ZNF217: variants seen among roughly 807,000 people sequenced by gnomAD.
ZNF217 encodes the protein zinc finger protein 217.
ZNF217 carries 12 observed loss-of-function variants against 73.3 expected under a neutral mutation model. The observed-to-expected ratio is 0.16, with a 90% CI of 0.10 to 0.27. ZNF217 has a LOEUF of 0.27. ZNF217 is among the 10% of genes least tolerant of loss of function. ZNF217 has a pLI of 1.00. For missense variants in ZNF217, 1,195 were observed against 1,327.8 expected (o/e 0.90, Z 1.55); for synonymous variants, 588 against 516.4 (o/e 1.14, Z -1.88).
chr20:53,592,510 A>C (rs1600732489), intron 1 of ZNF217, among the ~76,000 whole-genome samples: 18 of 141,994 alleles, frequency 1.3e-4, no homozygotes, highest in East Asian at 4.3e-4. Flanking sequence ...CTGCCTGCTC[A>C]CCCCACCCCC....
At position 53,581,787 on chromosome 20, in the gene ZNF217, T is replaced by G; in HGVS notation, c.1040A>C (p.Glu347Ala). 2 of 1,614,264 alleles carry G rather than the reference T, an allele frequency of 1.2e-6. No individual in the cohort carries two copies. The highest frequency in any genetic ancestry group is 1.7e-6 in the Non-Finnish European group (2 of 1,180,040). Residue 347 changes from glutamate (E) to alanine (A), a missense_variant, in exon 2 of 6, where the codon GAG (glutamate) becomes GCG (alanine). Physicochemically the swap from Glu to Ala is moderately radical, Grantham distance 107. This residue lies in a region of ZNF217 where 102 missense variants were observed against 91.9 expected (regional missense o/e 1.11). Coordinates refer to ENST00000371471, the MANE Select transcript of ZNF217 (RefSeq NM_006526.3). This position sits in a 1 kb window ranked among gnomAD's most constrained non-coding sequence, Gnocchi z 4.9. ...NKGSCAGLSQ[E>A]KEKCKHSHGE... Reference sequence around the variant, plus strand: ...GTGGGAGTGTTTGCACTTCTCTTTCTCTTGCGAGAGGCCTGCACAACTGCC... The same window carrying G: ...GTGGGAGTGTTTGCACTTCTCTTTCGCTTGCGAGAGGCCTGCACAACTGCC...
Position 53,582,907 on chromosome 20 carries a change from C to T in ZNF217, c.-81G>A, listed in dbSNP as rs1988564238. On this transcript the variant is annotated 5_prime_UTR_variant, in exon 2 of 6. Transcript: ENST00000371471. This position sits in a 1 kb window ranked among gnomAD's most constrained non-coding sequence, Gnocchi z 4.8. ...GACTTGTCACTCACCCCTCTAACAGCCCTGGGTTCCAAAAACCAGAGCAAA... is the reference window on the plus strand; with the variant it reads ...GACTTGTCACTCACCCCTCTAACAGTCCTGGGTTCCAAAAACCAGAGCAAA... 3 of 1,437,220 alleles carry T rather than the reference C, an allele frequency of 2.1e-6. No homozygotes were observed. The highest frequency in any genetic ancestry group is 4.6e-5 in the Admixed American group (2 of 43,622). 89.0% of individuals were successfully genotyped at this position (1,437,220 alleles called of 1,614,324 possible).
intron 1 of ZNF217, among the ~76,000 whole-genome samples, chr20:53,591,540 G>C (rs764964522): frequency 2.0e-5 from 3 of 152,116 alleles, no homozygotes. Flanking sequence ...AAATATAACC[G>C]ATTAAAAATG....
In ZNF217 at chr20:53,581,427, C is replaced by A. The variant is rs147881038; in HGVS notation, c.1366+34G>T. 1 of 1,562,676 alleles carries A rather than the reference C, an allele frequency of 6.4e-7. No homozygotes were observed. Among genetic ancestry groups the A allele is most frequent in the Admixed American group, 1.8e-5 (1 of 55,968 alleles). On this transcript the variant is annotated intron_variant, in intron 2 of 5. Coordinates refer to ENST00000371471, the MANE Select transcript of ZNF217 (RefSeq NM_006526.3). This position sits in a 1 kb window ranked among gnomAD's most constrained non-coding sequence, Gnocchi z 4.9. Reference sequence around the variant, plus strand: ...AGACGGGGAGACAGACAGACACAGGCGGAACAGCACGGGACGGAGACAGGG... The same window carrying A: ...AGACGGGGAGACAGACAGACACAGGAGGAACAGCACGGGACGGAGACAGGG...
upstream of ZNF217, among the ~76,000 whole-genome samples, chr20:53,594,051 A>T (rs1242641660): frequency 3.5e-5 from 5 of 144,114 alleles, no homozygotes; most frequent in Non-Finnish European, 7.6e-5. Flanking sequence ...CCCCCAACAA[A>T]AAAGGAGCGT....
rs1346954778 is a variant in ZNF217, at chr20:53,578,386, T to G, written c.1431A>C (p.Gly477=). The part of the protein sequence containing the change: ...LTSSRECSYC[G]KFFRSNYYLN... ...GGTAATAATTTGAACGGAAAAACTT[T>G]CCACAATAACTACACTCTCTTGAAG... Residue 477 remains glycine, a synonymous_variant, in exon 3 of 6, where the codon GGA becomes GGC. Coordinates refer to ENST00000371471, the MANE Select transcript of ZNF217 (RefSeq NM_006526.3). 2.5e-6 allele frequency: 4 copies of G among 1,599,506 alleles called. No homozygotes were observed. The highest frequency in any genetic ancestry group is 1.7e-4 in the Middle Eastern group (1 of 5,990).
chr20:53,578,241 G>T, intron 3 of ZNF217, 93 bp downstream of exon 3: 1 of 792,486 alleles, frequency 1.3e-6, no homozygotes. Context: ...GCTAGTCCAA[G>T]GATCTGGCAG....
Position 53,582,095 on chromosome 20 carries a change from G to T in ZNF217, c.732C>A (p.Phe244Leu). The T allele has an allele frequency of 6.2e-7, 1 of 1,614,216 alleles. No individual in the cohort carries two copies. The highest frequency in any genetic ancestry group is 1.7e-5 in the Admixed American group (1 of 60,028). ...HRKVHTKKTA[F>L]GTSSAQTDSP... ...AGTCTGTCTGCGCGCTGCTGGTACC[G>T]AAAGCAGTTTTTTTGGTGTGCACCT... The change falls in exon 2 of 6, where the codon TTC becomes TTA. Residue 244 changes from phenylalanine (F) to leucine (L), a missense_variant. Phe to Leu is a conservative substitution (Grantham distance 22). Coordinates refer to ENST00000371471, the MANE Select transcript of ZNF217 (RefSeq NM_006526.3). The surrounding 1 kb of genome is among the most constrained non-coding windows in gnomAD (Gnocchi z 4.8).
chr20:53,597,108 A>C (rs1054837686), upstream of ZNF217, among the ~76,000 whole-genome samples: 57 of 151,918 alleles, frequency 3.8e-4, no homozygotes, highest in African/African-American at 1.3e-3. Context: ...AAAAAAAAAA[A>C]AAAAACTTCT....
At position 53,568,211 on chromosome 20, in the gene ZNF217, T is replaced by C. The variant is rs1987827132; in HGVS notation, c.*1077A>G. The C allele has an allele frequency of 6.6e-6, 1 of 152,138 alleles. No homozygotes were observed. Among genetic ancestry groups the C allele is most frequent in the Non-Finnish European group, 1.5e-5 (1 of 68,036 alleles). 9.4% of individuals were successfully genotyped at this position (152,138 alleles called of 1,614,324 possible). The stretch of plus-strand genomic sequence containing the variant: ...TGTGTCTATAATCAACTCTAGTATG[T>C]CCACAGTTCACCCAAATGCCAGATA... On this transcript the variant is annotated 3_prime_UTR_variant, in exon 6 of 6. Transcript: ENST00000371471.
At chr20:53,572,027 T>G (rs1988033889) in intron 4 of ZNF217, among the ~76,000 whole-genome samples, 174 bp from the exon 5 acceptor site, 2 of 152,324 alleles carry the variant, frequency 1.3e-5, no homozygotes, top group Middle Eastern at 3.4e-3. Flanking sequence ...TTATGACACT[T>G]GTTAGCACAG....
In ZNF217 at chr20:53,581,545, G is replaced by A. The variant is rs373838524; in HGVS notation, c.1282C>T (p.Leu428=). The change falls in exon 2 of 6, where the codon CTG becomes TTG. Residue 428 remains leucine (L), a synonymous_variant. Transcript: ENST00000371471. This position sits in a 1 kb window ranked among gnomAD's most constrained non-coding sequence, Gnocchi z 4.9. The stretch of plus-strand genomic sequence containing the variant: ...CGATCCACGGCTCCATTTTCATCCA[G>A]AGGGGCGGCGAGGTCAGGAGAACAC... ...GTCSPDLAAP[L]DENGAVDRGE... 2.5e-6 allele frequency: 4 copies of A among 1,614,088 alleles called. No individual in the cohort carries two copies. In the East Asian group the frequency reaches 6.7e-5, roughly 27 times the overall value.
chr20:53,586,384 A>G (rs771497445), intron 1 of ZNF217, among the ~76,000 whole-genome samples: 5 of 152,182 alleles, frequency 3.3e-5, no homozygotes, highest in Non-Finnish European at 5.9e-5. Flanking sequence ...CCATTCTGCA[A>G]CTTCAAGAGT....
chr20:53,592,170 T>C (rs1422008958), intron 1 of ZNF217, among the ~76,000 whole-genome samples: 1 of 152,206 alleles, frequency 6.6e-6, no homozygotes, highest in East Asian at 1.9e-4. Flanking sequence ...CTGAAAAACC[T>C]AGCTACGCTG....
chr20:53,573,899 C>T (rs1209887189), intron 4 of ZNF217, among the ~76,000 whole-genome samples: 3 of 151,894 alleles, frequency 2.0e-5, no homozygotes, highest in African/African-American at 7.3e-5. Flanking sequence ...GGCGAAATGC[C>T]GTCTCTACTA....
Position 53,576,424 on chromosome 20 carries a change from G to C in ZNF217, c.2340C>G (p.Phe780Leu). 2.5e-6 allele frequency: 4 copies of C among 1,614,218 alleles called. No homozygotes were observed. The highest frequency in any genetic ancestry group is 3.4e-6 in the Non-Finnish European group (4 of 1,180,024). The change falls in exon 4 of 6, where the codon TTC (phenylalanine) becomes TTG (leucine). Residue 780 changes from phenylalanine to leucine, a missense_variant. By Grantham distance (22) the Phe-to-Leu change is conservative. This residue lies in a region of ZNF217 where 649 missense variants were observed against 642.8 expected (regional missense o/e 1.01). Coordinates refer to ENST00000371471, the MANE Select transcript of ZNF217 (RefSeq NM_006526.3). ...ATGGCAGGGATTTGGACTGCGCCGG[G>C]AAAGCAGACTTGGGCTTGGGTTTAC... ...SFCKPKPKSA[F>L]PAQSKSLPSA...
Position 53,576,552 on chromosome 20 carries a change from C to T in ZNF217, c.2212G>A (p.Asp738Asn). 1 of 1,614,190 alleles carries T rather than the reference C, an allele frequency of 6.2e-7. No homozygotes were observed. ...HQRLEHKYNPDVHKNCRNKSL... is the reference protein window; with the variant it reads ...HQRLEHKYNPNVHKNCRNKSL... ...TTGTTTCGACAGTTTTTATGAACGT[C>T]AGGATTGTATTTATGCTCCAGTCTC... is the stretch of plus-strand genomic sequence containing the variant. The change falls in exon 4 of 6, where the codon GAC becomes AAC. Residue 738 changes from aspartate to asparagine, a missense_variant. Physicochemically the swap from Asp to Asn is conservative, Grantham distance 23. Coordinates refer to ENST00000371471, the MANE Select transcript of ZNF217 (RefSeq NM_006526.3).
rs990007369 is a variant in ZNF217, at chr20:53,569,340, C to A, written c.*24-76G>T. On this transcript the variant is annotated intron_variant, in intron 5 of 5. Transcript: ENST00000371471. ...TTAGAAAATTCTTTCTTTAAAAAAG[C>A]GTAATACATAGAACCAAACTGACCT... 5 of 1,091,066 alleles carry A rather than the reference C, an allele frequency of 4.6e-6. No homozygotes were observed. The African/African-American group carries it at 8.4e-5, about 18-fold the overall frequency. The allele number at this position is 1,091,066 out of a possible 1,614,324, so 67.6% of individuals were successfully genotyped here. A position where few individuals can be genotyped will look rare whatever the true frequency, so the allele number is the denominator to read the frequency against.
rs966191040 is a variant in ZNF217, at chr20:53,567,566, T to C, written c.*1722A>G. ...AGTCACAGCAAGCTCTCTGTAACAC[T>C]CATTGGATTAGGCAAAGATTGAGTC... On this transcript the variant is annotated 3_prime_UTR_variant, in exon 6 of 6. Transcript: ENST00000371471. The C allele has an allele frequency of 6.6e-6, 1 of 152,638 alleles. No individual in the cohort carries two copies. The highest frequency in any genetic ancestry group is 2.4e-5 in the African/African-American group (1 of 41,452). The allele number at this position is 152,638 out of a possible 1,614,324, so 9.5% of individuals were successfully genotyped here.
Sources: allele counts gnomAD v4.1 joint callset (sites outside exome capture counted in the v4.1 genomes callset), GRCh38; gene constraint gnomAD v4.1.1; regional missense constraint gnomAD v4.1.1; non-coding constraint Gnocchi (gnomAD v3.1); transcripts MANE v1.5; gene names NCBI Gene and HGNC (gene_info 2026-07-23, HGNC 2026-07-21).